Variants in GPHN observed in about 807,000 individuals in gnomAD.
The protein encoded by GPHN is gephyrin.
GPHN carries 17 observed loss-of-function variants against 95.5 expected under a neutral mutation model. The ratio of observed to expected loss-of-function variants is 0.18; its 90% CI spans 0.12 to 0.27. The LOEUF is 0.27. Among genes scored for constraint, GPHN ranks in the 10% least tolerant of loss-of-function variants. GPHN has a pLI of 1.00. For missense variants in GPHN, 660 were observed against 978.1 expected, an observed-to-expected ratio of 0.67 and a Z score of 4.34; for synonymous variants, 320 against 322.5, an observed-to-expected ratio of 0.99 and a Z score of 0.08.
intron 9 of GPHN, among the ~76,000 whole-genome samples, chr14:66,978,796 A>G (rs1169997883): frequency 4.6e-5 from 7 of 152,218 alleles, no homozygotes; most frequent in Admixed American, 3.3e-4. Context: ...CTTTGCTCAG[A>G]TCAATTATAG....
the GPHN span, among the ~76,000 whole-genome samples, chr14:67,459,194 C>A: frequency 1.3e-5 from 2 of 151,932 alleles, no homozygotes; most frequent in African/African-American, 4.8e-5. Context: ...AGCCACTTGG[C>A]TAATTTTTTA....
chr14:67,144,188 G>A (rs1310822893), intron 18 of GPHN, among the ~76,000 whole-genome samples: 2 of 140,328 alleles, frequency 1.4e-5, no homozygotes, highest in Non-Finnish European at 3.0e-5. Context: ...AGTGAGCTGA[G>A]ATCACACCAC....
the GPHN span, among the ~76,000 whole-genome samples, chr14:67,483,855 C>T: frequency 2.2e-4 from 33 of 152,284 alleles, no homozygotes; most frequent in East Asian, 4.8e-3. Context: ...AGGAGCGGTC[C>T]GAACACAGAG....
At chr14:66,936,473 C>A (rs966646463) in intron 8 of GPHN, among the ~76,000 whole-genome samples, 1 of 151,914 alleles carries the variant, frequency 6.6e-6, no homozygotes, top group Non-Finnish European at 1.5e-5. Context: ...TGTAAACAAT[C>A]GAATGTCGAA....
the GPHN span, chr14:67,387,256 A>G: frequency 6.9e-7 from 1 of 1,452,418 alleles, no homozygotes; most frequent in African/African-American, 1.4e-5. Context: ...AAGTCTTAAC[A>G]CTCCCATTCT....
the GPHN span, chr14:67,381,711 C>T: frequency 4.5e-6 from 7 of 1,560,224 alleles, no homozygotes; most frequent in Non-Finnish European, 6.2e-6. Context: ...AGTTGTCTCC[C>T]TCCCTGCTGA....
chr14:66,893,919 G>A (rs1437610343), intron 5 of GPHN, among the ~76,000 whole-genome samples: 25 of 152,108 alleles, frequency 1.6e-4, no homozygotes, highest in Non-Finnish European at 2.6e-4. Flanking sequence ...AATCAATATC[G>A]TGAAAATGGC....
At chr14:66,955,193 C>T (rs1378408742) in intron 8 of GPHN, among the ~76,000 whole-genome samples, 1 of 152,080 alleles carries the variant, frequency 6.6e-6, no homozygotes, top group Non-Finnish European at 1.5e-5. Context: ...GTTAATTCTT[C>T]TATAAACATT....
At chr14:66,798,728 G>C (rs1484909210) in intron 3 of GPHN, among the ~76,000 whole-genome samples, 1 of 150,536 alleles carries the variant, frequency 6.6e-6, no homozygotes, top group Non-Finnish European at 1.5e-5. Context: ...TGTGGCTAAT[G>C]GTTTGTCAAT....
chr14:67,358,673 C>G, the GPHN span, among the ~76,000 whole-genome samples: 1 of 152,170 alleles, frequency 6.6e-6, no homozygotes, highest in South Asian at 2.1e-4. Flanking sequence ...GCACCCCAGC[C>G]TGGGAGACCC....
At chr14:67,204,516 T>A in the GPHN span, 1 of 1,605,448 alleles carries the variant, frequency 6.2e-7, no homozygotes, top group Non-Finnish European at 8.5e-7. Context: ...CCAGATGATG[T>A]TACCGTGTGC....
intron 5 of GPHN, among the ~76,000 whole-genome samples, chr14:66,902,295 A>G (rs2065159014): frequency 6.6e-6 from 1 of 152,066 alleles, no homozygotes; most frequent in Non-Finnish European, 1.5e-5. Flanking sequence ...TTTTCTAACT[A>G]TAAGGTCATG....
chr14:67,003,500 G>A (rs2072386255), intron 9 of GPHN, among the ~76,000 whole-genome samples: 1 of 151,018 alleles, frequency 6.6e-6, no homozygotes, highest in Non-Finnish European at 1.5e-5. Context: ...CAAATTCTGA[G>A]TTGCAATGAG....
chr14:66,740,024 G>A (rs113127143), intron 2 of GPHN, among the ~76,000 whole-genome samples: 1 of 152,058 alleles, frequency 6.6e-6, no homozygotes, highest in African/African-American at 2.4e-5. Flanking sequence ...ATTGAAGAGA[G>A]AAATAGCAAA....
chr14:66,771,900 A>G (rs960480447), intron 2 of GPHN, among the ~76,000 whole-genome samples: 1 of 152,006 alleles, frequency 6.6e-6, no homozygotes, highest in African/African-American at 2.4e-5. Flanking sequence ...ATTGATGAAA[A>G]TGTTGTGACC....
Position 66,508,551 on chromosome 14 carries a change from T to C in GPHN, c.24T>C (p.Leu8=), listed in dbSNP as rs765110425. 6.2e-7 allele frequency: 1 copy of C among 1,614,030 alleles called. No homozygotes were observed. Among genetic ancestry groups the C allele is most frequent in the Non-Finnish European group, 8.5e-7 (1 of 1,179,908 alleles). The change falls in exon 1 of 23, where the codon CTT becomes CTC. Residue 8 remains leucine (L), a synonymous_variant. Transcript: ENST00000478722. ...ACATGGCGACCGAGGGAATGATCCT[T>C]ACTAACCACGACCATCAAATCCGTG... The part of the protein sequence containing the change: MATEGMI[L]TNHDHQIRVG...
At chr14:66,695,390 A>T (rs1306417309) in intron 2 of GPHN, among the ~76,000 whole-genome samples, 1 of 152,226 alleles carries the variant, frequency 6.6e-6, no homozygotes, top group African/African-American at 2.4e-5. Context: ...CCAAGTGCTG[A>T]TGAGGATGTG....
intron 2 of GPHN, among the ~76,000 whole-genome samples, chr14:66,742,105 A>T (rs1030698163): frequency 6.6e-6 from 1 of 152,198 alleles, no homozygotes; most frequent in Non-Finnish European, 1.5e-5. Context: ...AAACACTCTA[A>T]CAACACTTTT....
At chr14:67,674,050 A>C in the GPHN span, among the ~76,000 whole-genome samples, 1 of 152,222 alleles carries the variant, frequency 6.6e-6, no homozygotes, top group South Asian at 2.1e-4. Context: ...AAATGCATAA[A>C]ACAAACAAAA....
Sources: allele counts gnomAD v4.1 joint callset (sites outside exome capture counted in the v4.1 genomes callset), GRCh38; gene constraint gnomAD v4.1.1; transcripts MANE v1.5; gene names NCBI Gene and HGNC (gene_info 2026-07-23, HGNC 2026-07-21).